The following SNX14 variants were observed in gnomAD, a reference collection of about 807,000 sequenced individuals.
SNX14 encodes sorting nexin-14.
In SNX14, 93 loss-of-function variants were observed where a neutral mutation model predicts 133.8. That is an observed-to-expected ratio of 0.70 (90% CI 0.59 to 0.83). SNX14 has a LOEUF of 0.83. SNX14 is among the 40% of genes least tolerant of loss of function. SNX14 has a pLI of 0.00. For synonymous variants in SNX14, 368 were observed against 365.6 expected (o/e 1.01, Z -0.07); for missense variants, 945 against 1,094.9 (o/e 0.86, Z 1.93).
At chr6:85,561,944 A>T (rs1791783214) in intron 6 of SNX14, among the ~76,000 whole-genome samples, 1 of 151,570 alleles carries the variant, frequency 6.6e-6, no homozygotes, top group South Asian at 2.1e-4. Flanking sequence ...TTATTTCGTC[A>T]CCCAAGTAAT....
At chr6:85,565,829 C>CA (rs1277168013) in intron 5 of SNX14, among the ~76,000 whole-genome samples, 1 of 151,850 alleles carries the variant, frequency 6.6e-6, no homozygotes, top group African/African-American at 2.4e-5. Flanking sequence ...AAAGTTAAAA[C>CA]AAAAAAATGT....
chr6:85,517,903 T>C (rs1775597315), intron 22 of SNX14, 28 bp from the exon 23 acceptor site: 3 of 1,577,162 alleles, frequency 1.9e-6, no homozygotes, highest in South Asian at 1.2e-5. Context: ...TGTAAGAAAA[T>C]AAAAAATAAA....
rs776799616 is a variant in SNX14, at chr6:85,572,093, G to A, written c.417+44C>T. Reference sequence around the variant, plus strand: ...AAAAATTCTGGAAAATTTTTCCACAGGCATTTAACATTTTCTGTTAATAAT... The same window carrying A: ...AAAAATTCTGGAAAATTTTTCCACAAGCATTTAACATTTTCTGTTAATAAT... On this transcript the variant is annotated intron_variant, in intron 4 of 28. Coordinates refer to ENST00000314673, the MANE Select transcript of SNX14 (RefSeq NM_153816.6). 1.8e-5 allele frequency: 27 copies of A among 1,513,534 alleles called. No homozygotes were observed. In the East Asian group the frequency reaches 5.9e-4, roughly 33 times the overall value. The allele number at this position is 1,513,534 out of a possible 1,614,324, so 93.8% of individuals were successfully genotyped here.
chr6:85,584,018 C>A (rs1583127547), intron 1 of SNX14, among the ~76,000 whole-genome samples: 1 of 152,258 alleles, frequency 6.6e-6, no homozygotes, highest in South Asian at 2.1e-4. Context: ...GCTACAGTAA[C>A]CAAAACAGCA....
At chr6:85,583,173 T>C (rs925842562) in intron 1 of SNX14, among the ~76,000 whole-genome samples, 3 of 152,134 alleles carry the variant, frequency 2.0e-5, no homozygotes, top group African/African-American at 7.2e-5. Flanking sequence ...ATTATCTCAA[T>C]AGATGCAGAA....
Position 85,508,010 on chromosome 6 carries a change from T to C in SNX14, c.2703A>G (p.Arg901=). Residue 901 remains arginine (R), a synonymous_variant, in exon 27 of 29, where the codon AGA becomes AGG. Coordinates refer to ENST00000314673, the MANE Select transcript of SNX14 (RefSeq NM_153816.6). ...IGEETKYESI[R]LLFDGLQQPV... ...GTTGCTGTAAGCCATCAAACAGAAG[T>C]CTGATGCTTTCATACTTGGTTTCTT... 6.2e-7 allele frequency: 1 copy of C among 1,613,446 alleles called. No homozygotes were observed. Among genetic ancestry groups the C allele is most frequent in the Non-Finnish European group, 8.5e-7 (1 of 1,179,632 alleles).
chr6:85,592,495 G>A (rs1334937426), intron 1 of SNX14, among the ~76,000 whole-genome samples: 1 of 152,132 alleles, frequency 6.6e-6, no homozygotes, highest in Non-Finnish European at 1.5e-5. Flanking sequence ...AAGCAAATCT[G>A]GTGTTAATTT....
chr6:85,516,897 C>T lies in SNX14; in HGVS notation c.2268+859G>A, dbSNP rs142405350. 1.8e-3 allele frequency among the ~76,000 whole-genome samples: 275 copies of T among 152,154 alleles called. 4 individuals are homozygous for T. The highest frequency in any genetic ancestry group is 6.4e-3 in the African/African-American group (266 of 41,528). ...AAGTGATCCATCCACCTTGGCCTCC[C>T]GAAGTGCTGGGATTACAGATGTGAG... On this transcript the variant is annotated intron_variant, in intron 23 of 28. Transcript: ENST00000314673.
chr6:85,516,720 C>T (rs1352445992), intron 23 of SNX14, among the ~76,000 whole-genome samples: 2 of 150,598 alleles, frequency 1.3e-5, no homozygotes, highest in East Asian at 3.9e-4. Flanking sequence ...TCACTGCAAC[C>T]TCCACCTCCC....
intron 17 of SNX14, 51 bp downstream of exon 17, chr6:85,536,741 T>C: frequency 1.3e-6 from 2 of 1,551,666 alleles, no homozygotes; most frequent in South Asian, 2.4e-5. Flanking sequence ...AATTTTTATG[T>C]CATAGTAAGT....
chr6:85,521,610 G>A (rs945004140), intron 21 of SNX14, among the ~76,000 whole-genome samples: 2 of 152,078 alleles, frequency 1.3e-5, no homozygotes, highest in East Asian at 3.9e-4. Flanking sequence ...TCTACAGGTT[G>A]TCTCTTCACT....
chr6:85,550,475 T>C (rs1787337870), intron 7 of SNX14, among the ~76,000 whole-genome samples: 1 of 152,118 alleles, frequency 6.6e-6, no homozygotes, highest in Admixed American at 6.5e-5. Context: ...AAGCAAAAAC[T>C]ATCTTACTCA....
At chr6:85,578,275 A>T (rs1261699355) in intron 1 of SNX14, among the ~76,000 whole-genome samples, 1 of 152,254 alleles carries the variant, frequency 6.6e-6, no homozygotes, top group Non-Finnish European at 1.5e-5. Flanking sequence ...ATGAATATGC[A>T]GTTACATTTG....
At chr6:85,513,934 T>C in intron 25 of SNX14, 39 bp from the exon 26 acceptor site, 2 of 1,579,284 alleles carry the variant, frequency 1.3e-6, no homozygotes, top group Non-Finnish European at 1.7e-6. Flanking sequence ...GGAATTTTCA[T>C]CTATTTATAC....
intron 23 of SNX14, 140 bp from the exon 24 acceptor site, chr6:85,514,769 G>T: frequency 2.9e-6 from 2 of 699,680 alleles, no homozygotes; most frequent in Non-Finnish European, 4.2e-6. Context: ...GTTAATATAT[G>T]CTTCTAAAAT....
chr6:85,569,409 A>T (rs80122651), intron 4 of SNX14, among the ~76,000 whole-genome samples: 2,565 of 152,308 alleles, frequency 0.017, 71 homozygotes, highest in African/African-American at 0.058. Context: ...AATCCTCAAC[A>T]TATCAAACCT....
intron 24 of SNX14, 22 bp downstream of exon 24, chr6:85,514,484 T>C: frequency 1.9e-6 from 3 of 1,609,278 alleles, no homozygotes; most frequent in South Asian, 2.2e-5. Flanking sequence ...GAAAAACAAG[T>C]CTTAAACCAC....
chr6:85,534,020 T>C (rs1246047194), intron 17 of SNX14, among the ~76,000 whole-genome samples: 1 of 152,184 alleles, frequency 6.6e-6, no homozygotes, highest in Non-Finnish European at 1.5e-5. Flanking sequence ...CATCTGTATA[T>C]GAAAATATAA....
At chr6:85,520,687 C>T (rs183709026) in intron 21 of SNX14, among the ~76,000 whole-genome samples, 1 of 152,228 alleles carries the variant, frequency 6.6e-6, no homozygotes, top group East Asian at 1.9e-4. Context: ...CAAACTTTTC[C>T]AGCTTACACT....
Sources: gnomAD v4.1 joint callset for allele counts (sites outside exome capture counted in the v4.1 genomes callset) on GRCh38, gnomAD v4.1.1 for gene constraint, MANE v1.5 for transcripts, NCBI Gene and HGNC (gene_info 2026-07-23, HGNC 2026-07-21) for gene names.